The following CADM2 variants were observed in gnomAD, a reference collection of about 807,000 sequenced individuals.
CADM2 encodes the protein cell adhesion molecule 2.
A neutral mutation model predicts 49.8 loss-of-function variants in CADM2; 12 were observed. The observed-to-expected ratio is 0.24, with a 90% confidence interval of 0.15 to 0.39. CADM2 has a LOEUF of 0.39. Ranked by LOEUF, CADM2 falls within the 10% of genes least tolerant of loss-of-function variation. CADM2 has a pLI of 1.00. For synonymous variants in CADM2, 214 were observed against 175.4 expected (o/e 1.22, Z -1.74); for missense variants, 378 against 492.3 (o/e 0.77, Z 2.20).
At chr3:85,964,683 A>G (rs73843530) in intron 8 of CADM2, among the ~76,000 whole-genome samples, 2,470 of 151,790 alleles carry the variant, frequency 0.016, 66 homozygotes, top group African/African-American at 0.057. Flanking sequence ...TCACCATACT[A>G]ATACCTGTAA....
At chr3:85,356,312 A>G (rs991384716) in intron 1 of CADM2, among the ~76,000 whole-genome samples, 2 of 152,104 alleles carry the variant, frequency 1.3e-5, no homozygotes, top group African/African-American at 4.8e-5. Flanking sequence ...AGAAAAACAT[A>G]AAGAAAAAAA....
At chr3:85,047,528 G>A (rs1320675970) in intron 1 of CADM2, among the ~76,000 whole-genome samples, 1 of 152,070 alleles carries the variant, frequency 6.6e-6, no homozygotes, top group Non-Finnish European at 1.5e-5. Context: ...AATGTGTGAT[G>A]GGAGAGAAGA....
In CADM2 at chr3:85,080,715, T is replaced by C. The variant is rs188531957; in HGVS notation, c.61+121047T>C. ...ATTAAGTAATTCTCAGATGACCTCT[T>C]ATTTGTTCACTTAAATTTGAGTAAA... On this transcript the variant is annotated intron_variant, in intron 1 of 9. Coordinates refer to ENST00000383699, the MANE Select transcript of CADM2 (RefSeq NM_001167675.2). 5.2e-3 allele frequency among the ~76,000 whole-genome samples: 793 copies of C among 152,226 alleles called. 5 individuals carry two copies. Among genetic ancestry groups the C allele is most frequent in the Admixed American group, 0.012 (185 of 15,274 alleles).
intron 1 of CADM2, among the ~76,000 whole-genome samples, chr3:85,308,308 T>TACACACACACACA: frequency 8.1e-6 from 1 of 123,434 alleles, no homozygotes; most frequent in African/African-American, 3.9e-5. Context: ...TATCTACCTC[T>TACACACACACACA]CTACACACAC....
rs528771015 is a variant in CADM2 at position 85,291,822 on chromosome 3, C to T, written c.61+332154C>T. Among the ~76,000 whole-genome samples, 15 of 147,722 alleles carry T rather than the reference C, an allele frequency of 1.0e-4. 1 individual carries two copies. In the South Asian group the frequency reaches 1.0e-3, roughly 10 times the overall value. The stretch of plus-strand genomic sequence containing the variant: ...ATGGAAAGGAAAAACTGGTACCAGC[C>T]GCTGCAAAATCATGCCAAAATGTAA... On this transcript the variant is annotated intron_variant, in intron 1 of 9. Transcript: ENST00000383699.
intron 1 of CADM2, among the ~76,000 whole-genome samples, chr3:84,987,739 T>C (rs1183829139): frequency 2.0e-5 from 3 of 152,164 alleles, no homozygotes; most frequent in Non-Finnish European, 2.9e-5. Context: ...ATGGTGTATA[T>C]AGAACTTCCA....
At chr3:85,797,305 G>A (rs971915479) in intron 2 of CADM2, among the ~76,000 whole-genome samples, 9 of 151,806 alleles carry the variant, frequency 5.9e-5, no homozygotes, top group African/African-American at 1.7e-4. Flanking sequence ...CGTGCAGAAC[G>A]TGCAGGTTTG....
Position 85,695,999 on chromosome 3 carries a change from G to A in CADM2, c.62-30523G>A, listed in dbSNP as rs115552672. Reference sequence around the variant, plus strand: ...TGTTTATATTAAGTGTGTATATTAGGTTTGCATTTCCCTGATGATTAGCAA... The same window carrying A: ...TGTTTATATTAAGTGTGTATATTAGATTTGCATTTCCCTGATGATTAGCAA... On this transcript the variant is annotated intron_variant, in intron 1 of 9. Transcript: ENST00000383699. Among the ~76,000 whole-genome samples the A allele has an allele frequency of 2.3e-3, 354 of 151,864 alleles. 2 individuals carry two copies. Among genetic ancestry groups the A allele is most frequent in the African/African-American group, 8.2e-3 (340 of 41,478 alleles).
At chr3:85,074,476 C>T (rs931450837) in intron 1 of CADM2, among the ~76,000 whole-genome samples, 1 of 151,912 alleles carries the variant, frequency 6.6e-6, no homozygotes, top group African/African-American at 2.4e-5. Context: ...TATTTTCTTC[C>T]TTGATTAGAA....
chr3:85,199,369 A>AGAGAG (rs1559716313), intron 1 of CADM2, among the ~76,000 whole-genome samples: 1 of 91,968 alleles, frequency 1.1e-5, no homozygotes, highest in African/African-American at 3.7e-5. Context: ...GTGTGTGTGT[A>AGAGAG]TGAGAGAGAG....
chr3:85,759,932 A>G (rs75204580), intron 2 of CADM2, among the ~76,000 whole-genome samples: 6,638 of 152,178 alleles, frequency 0.044, 495 homozygotes, highest in African/African-American at 0.15. Context: ...ACAATAAAAA[A>G]CTTCTGATAA....
At chr3:85,177,386 T>A (rs915716247) in intron 1 of CADM2, among the ~76,000 whole-genome samples, 6 of 152,148 alleles carry the variant, frequency 3.9e-5, no homozygotes, top group African/African-American at 1.4e-4. Flanking sequence ...TGATCGTTTA[T>A]ACCTTTAATT....
intron 1 of CADM2, among the ~76,000 whole-genome samples, chr3:85,406,553 T>C (rs1033602322): frequency 6.6e-6 from 1 of 152,150 alleles, no homozygotes; most frequent in Non-Finnish European, 1.5e-5. Context: ...CTCAGAACCA[T>C]ACACTGTTTA....
intron 1 of CADM2, among the ~76,000 whole-genome samples, chr3:85,591,938 G>T (rs990933715): frequency 1.3e-5 from 2 of 151,958 alleles, no homozygotes; most frequent in Non-Finnish European, 2.9e-5. Flanking sequence ...ACAGGCATAG[G>T]CCAGGCAATG....
intron 1 of CADM2, among the ~76,000 whole-genome samples, chr3:85,307,194 T>TTA (rs1046930709): frequency 2.0e-5 from 3 of 150,366 alleles, no homozygotes; most frequent in East Asian, 1.9e-4. Flanking sequence ...TATACACATA[T>TTA]TATATATATA....
At chr3:85,167,005 C>T (rs1459502465) in intron 1 of CADM2, among the ~76,000 whole-genome samples, 4 of 152,018 alleles carry the variant, frequency 2.6e-5, no homozygotes, top group African/African-American at 9.7e-5. Flanking sequence ...GCTGTTAAGG[C>T]ATATGCCTTA....
At chr3:86,037,704 T>G (rs2107205739) in intron 8 of CADM2, among the ~76,000 whole-genome samples, 1 of 152,286 alleles carries the variant, frequency 6.6e-6, no homozygotes, top group South Asian at 2.1e-4. Context: ...AATTGCATTC[T>G]TTACTGATAC....
At chr3:85,287,802 A>G (rs2043671281) in intron 1 of CADM2, among the ~76,000 whole-genome samples, 1 of 152,100 alleles carries the variant, frequency 6.6e-6, no homozygotes, top group South Asian at 2.1e-4. Flanking sequence ...CTGGCACAAG[A>G]GTCAATCAGT....
chr3:85,115,792 T>C (rs1168654692), intron 1 of CADM2, among the ~76,000 whole-genome samples: 1 of 152,200 alleles, frequency 6.6e-6, no homozygotes, highest in Non-Finnish European at 1.5e-5. Context: ...TATTAGACAA[T>C]GCTAGTGACA....
Sources: allele counts gnomAD v4.1 joint callset (sites outside exome capture counted in the v4.1 genomes callset), GRCh38; gene constraint gnomAD v4.1.1; transcripts MANE v1.5; gene names NCBI Gene and HGNC (gene_info 2026-07-23, HGNC 2026-07-21).